Variants in SOX5 observed in about 807,000 individuals in gnomAD.
SOX5 encodes transcription factor SOX-5.
Under a neutral mutation model 92.0 loss-of-function variants are expected in SOX5, and 9 were observed. The observed-to-expected ratio is 0.10, with a 90% confidence interval of 0.06 to 0.17. The LOEUF (loss-of-function observed/expected upper bound fraction) is 0.17. SOX5 is among the 10% of genes least tolerant of loss of function. SOX5 has a pLI of 1.00. For missense variants in SOX5, 642 were observed against 944.5 expected, an observed-to-expected ratio of 0.68 and a Z score of 4.20; for synonymous variants, 344 against 336.3, an observed-to-expected ratio of 1.02 and a Z score of -0.25.
At chr12:24,122,566 G>C (rs1948735661) in intron 4 of SOX5, among the ~76,000 whole-genome samples, 1 of 152,184 alleles carries the variant, frequency 6.6e-6, no homozygotes, top group South Asian at 2.1e-4. Context: ...CAAGAAGACA[G>C]AAGTAAACTA....
chr12:23,581,920 A>C (rs1195307060), intron 9 of SOX5, among the ~76,000 whole-genome samples: 3 of 151,930 alleles, frequency 2.0e-5, no homozygotes, highest in African/African-American at 7.2e-5. Context: ...GTATAAATAA[A>C]ATTTCAGGCT....
intron 4 of SOX5, among the ~76,000 whole-genome samples, chr12:24,207,836 T>C (rs946650545): frequency 6.6e-6 from 1 of 152,206 alleles, no homozygotes; most frequent in African/African-American, 2.4e-5. Flanking sequence ...TAAATTCATA[T>C]AGCTGCATCG....
intron 2 of SOX5, among the ~76,000 whole-genome samples, chr12:24,299,409 G>A (rs774667304): frequency 6.6e-6 from 1 of 152,120 alleles, no homozygotes. Context: ...CCAGCCCGGT[G>A]AGAATCTCAT....
intron 4 of SOX5, among the ~76,000 whole-genome samples, chr12:24,022,017 C>T (rs1299903972): frequency 6.6e-6 from 1 of 152,122 alleles, no homozygotes; most frequent in East Asian, 1.9e-4. Context: ...TTATTGAGTG[C>T]CTACTATGTG....
intron 6 of SOX5, among the ~76,000 whole-genome samples, chr12:23,667,468 G>T (rs1157853226): frequency 1.3e-5 from 2 of 152,004 alleles, no homozygotes; most frequent in African/African-American, 4.8e-5. Flanking sequence ...ATTTGTTTTA[G>T]TGTCTAAATT....
intron 4 of SOX5, among the ~76,000 whole-genome samples, chr12:23,984,295 C>G (rs781360130): frequency 8.5e-5 from 13 of 152,106 alleles, no homozygotes; most frequent in African/African-American, 2.7e-4. Flanking sequence ...ACAACAGGAG[C>G]AAGTTTAGAT....
intron 4 of SOX5, among the ~76,000 whole-genome samples, chr12:24,080,690 T>C (rs982673771): frequency 2.6e-5 from 4 of 151,970 alleles, no homozygotes; most frequent in Admixed American, 6.6e-5. Flanking sequence ...AAATATTGTT[T>C]GCTGCATTCT....
intron 4 of SOX5, among the ~76,000 whole-genome samples, chr12:24,013,140 T>C (rs573379751): frequency 2.0e-5 from 3 of 152,296 alleles, no homozygotes; most frequent in South Asian, 2.1e-4. Context: ...AGTTTCTGTA[T>C]GTGTCTCTAG....
At chr12:24,408,435 C>T (rs1963437444) in intron 1 of SOX5, among the ~76,000 whole-genome samples, 3 of 152,190 alleles carry the variant, frequency 2.0e-5, no homozygotes, top group Non-Finnish European at 4.4e-5. Flanking sequence ...AACTATACTA[C>T]ATTGTCACAA....
chr12:24,553,987 A>T (rs1953490571), intron 1 of SOX5, among the ~76,000 whole-genome samples: 1 of 152,220 alleles, frequency 6.6e-6, no homozygotes, highest in Non-Finnish European at 1.5e-5. Context: ...AAGTAAGAAA[A>T]TTCAAGACAG....
intron 3 of SOX5, among the ~76,000 whole-genome samples, chr12:24,263,522 C>T (rs1234198321): frequency 4.4e-4 from 24 of 54,756 alleles, no homozygotes; most frequent in Admixed American, 2.0e-3. Flanking sequence ...AGCGAGACTC[C>T]GTCTCAAAAA....
chr12:24,553,300 C>T (rs1408610739), intron 1 of SOX5, among the ~76,000 whole-genome samples: 1 of 152,194 alleles, frequency 6.6e-6, no homozygotes, highest in Non-Finnish European at 1.5e-5. Flanking sequence ...CCACTGGAGT[C>T]TCTTGTTCAT....
intron 1 of SOX5, among the ~76,000 whole-genome samples, chr12:23,945,259 C>T (rs1011760535): frequency 3.3e-5 from 5 of 152,024 alleles, no homozygotes; most frequent in Admixed American, 1.3e-4. Flanking sequence ...ATGTATGATG[C>T]GTATACAAGA....
Position 24,106,548 on chromosome 12 carries a change from C to T in SOX5, c.-2+106795G>A, listed in dbSNP as rs1289275799. On this transcript the variant is annotated intron_variant, in intron 4 of 4. Coordinates refer to the SOX5 transcript ENST00000446891. ...ACTCATGTCTGTAATCCCAGGACTT[C>T]GGGAGGTCGACGCAGGCGGATCACC... 2.6e-5 allele frequency among the ~76,000 whole-genome samples: 4 copies of T among 152,032 alleles called. No individual in the cohort carries two copies. In the East Asian group the frequency reaches 5.8e-4, roughly 22 times the overall value.
chr12:24,094,348 C>T (rs61910056), intron 4 of SOX5, among the ~76,000 whole-genome samples: 3,319 of 152,148 alleles, frequency 0.022, 37 homozygotes, highest in Non-Finnish European at 0.035. Flanking sequence ...CTGTTTATTA[C>T]CTTTGTCTGT....
At chr12:24,187,141 G>T (rs1271993159) in intron 4 of SOX5, among the ~76,000 whole-genome samples, 2 of 152,066 alleles carry the variant, frequency 1.3e-5, no homozygotes, top group Non-Finnish European at 2.9e-5. Flanking sequence ...TTCTACCTGG[G>T]GCTTTTACTT....
chr12:24,286,174 C>A (rs12301633), intron 2 of SOX5, among the ~76,000 whole-genome samples: 2 of 151,914 alleles, frequency 1.3e-5, no homozygotes, highest in African/African-American at 4.8e-5. Flanking sequence ...AAAAATGAGA[C>A]GTGACAGTAA....
intron 2 of SOX5, among the ~76,000 whole-genome samples, chr12:24,280,642 G>A (rs488353): frequency 0.53 from 81,128 of 151,748 alleles, 22,458 homozygotes; most frequent in East Asian, 0.86. Context: ...GGCAAGCCCC[G>A]GGGAAACAAA....
chr12:24,023,254 C>T (rs925656571), intron 4 of SOX5, among the ~76,000 whole-genome samples: 53 of 152,132 alleles, frequency 3.5e-4, no homozygotes. Flanking sequence ...ACAGCTGCAT[C>T]AACAGAGCTT....
Sources: gnomAD v4.1 joint callset for allele counts (sites outside exome capture counted in the v4.1 genomes callset) on GRCh38, gnomAD v4.1.1 for gene constraint, MANE v1.5 for transcripts, NCBI Gene and HGNC (gene_info 2026-07-23, HGNC 2026-07-21) for gene names.